ZNG1B: variants seen among roughly 807,000 people sequenced by gnomAD.
The protein encoded by ZNG1B is Zn regulated GTPase metalloprotein activator 1B, also known as zinc-regulated GTPase metalloprotein activator 1B.
chr2:113,488,865 A>G, the ZNG1B span, among the ~76,000 whole-genome samples: 1 of 152,082 alleles, frequency 6.6e-6, no homozygotes, highest in African/African-American at 2.4e-5. Flanking sequence ...GAAATCTGGA[A>G]TTATGTTAAA....
the ZNG1B span, chr2:113,457,090 A>G: frequency 2.2e-6 from 1 of 454,752 alleles, no homozygotes. Flanking sequence ...ACTTAAAATG[A>G]CAGCTCTCTA....
At chr2:113,460,844 T>C in the ZNG1B span, 8 of 1,464,008 alleles carry the variant, frequency 5.5e-6, no homozygotes, top group East Asian at 1.4e-4. Flanking sequence ...TTTCTTTTTT[T>C]CCCTTAGTTG....
At chr2:113,462,732 G>A in the ZNG1B span, 5 of 528,944 alleles carry the variant, frequency 9.5e-6, no homozygotes, top group East Asian at 9.3e-5. Flanking sequence ...CAGGGTCTTC[G>A]CACTCCATCT....
the ZNG1B span, chr2:113,457,294 C>T: frequency 8.2e-6 from 3 of 363,964 alleles, no homozygotes; most frequent in Admixed American, 7.5e-5. Context: ...TTGGAAAAGG[C>T]CAGAACAATA....
chr2:113,439,367 A>G, the ZNG1B span, among the ~76,000 whole-genome samples: 34 of 151,108 alleles, frequency 2.3e-4, no homozygotes, highest in Admixed American at 2.2e-3. Context: ...TGTAATTTCT[A>G]TTTTGATGTC....
the ZNG1B span, among the ~76,000 whole-genome samples, chr2:113,488,123 A>T: frequency 6.6e-6 from 1 of 152,044 alleles, no homozygotes; most frequent in Non-Finnish European, 1.5e-5. Context: ...TCACCCTCCT[A>T]CCGCCTCCAC....
At chr2:113,488,224 A>G in the ZNG1B span, among the ~76,000 whole-genome samples, 1 of 152,198 alleles carries the variant, frequency 6.6e-6, no homozygotes, top group Non-Finnish European at 1.5e-5. Context: ...ACCAGCCTGG[A>G]GCCTGGTAGA....
the ZNG1B span, chr2:113,469,341 A>C: frequency 2.0e-5 from 3 of 148,786 alleles, no homozygotes; most frequent in African/African-American, 7.4e-5. Context: ...CGGTTTCGCC[A>C]CATTGGCCAG....
chr2:113,481,995 A>G, the ZNG1B span: 1 of 939,378 alleles, frequency 1.1e-6, no homozygotes, highest in East Asian at 2.6e-5. Context: ...AGAAATTTTA[A>G]AAAAACTTAA....
At chr2:113,440,150 C>T in the ZNG1B span, among the ~76,000 whole-genome samples, 7 of 152,072 alleles carry the variant, frequency 4.6e-5, no homozygotes, top group East Asian at 1.4e-3. Flanking sequence ...TCCCAAAGTG[C>T]TGGGATTACA....
At chr2:113,490,571 A>G in the ZNG1B span, among the ~76,000 whole-genome samples, 1 of 152,248 alleles carries the variant, frequency 6.6e-6, no homozygotes, top group Non-Finnish European at 1.5e-5. Context: ...GATAAATAAA[A>G]TTGATAGACT....
At chr2:113,479,036 G>A in the ZNG1B span, among the ~76,000 whole-genome samples, 41,389 of 150,990 alleles carry the variant, frequency 0.27, 6,276 homozygotes, top group East Asian at 0.53. Flanking sequence ...AAAATTATAA[G>A]GGTATTTTCG....
the ZNG1B span, chr2:113,460,620 A>G: frequency 1.3e-6 from 2 of 1,528,124 alleles, no homozygotes; most frequent in Non-Finnish European, 1.8e-6. Flanking sequence ...TTGTGTTGAC[A>G]TTAGATTTTT....
At chr2:113,473,575 G>A in the ZNG1B span, among the ~76,000 whole-genome samples, 11 of 151,900 alleles carry the variant, frequency 7.2e-5, no homozygotes, top group African/African-American at 2.7e-4. Flanking sequence ...CATTTTCAAA[G>A]GGAATGCTTC....
the ZNG1B span, among the ~76,000 whole-genome samples, chr2:113,461,665 C>T: frequency 6.6e-6 from 1 of 151,526 alleles, no homozygotes; most frequent in Non-Finnish European, 1.5e-5. Flanking sequence ...ACTTTGTTAT[C>T]TAGCATTCAG....
the ZNG1B span, chr2:113,494,790 A>C: frequency 1.6e-6 from 1 of 616,820 alleles, no homozygotes; most frequent in Non-Finnish European, 2.0e-6. Flanking sequence ...TTTAATCAAT[A>C]GGATATGATA....
At chr2:113,472,868 A>G in the ZNG1B span, among the ~76,000 whole-genome samples, 2 of 151,836 alleles carry the variant, frequency 1.3e-5, no homozygotes, top group South Asian at 2.1e-4. Flanking sequence ...TACCAGTACC[A>G]TGCTGTTTTG....
the ZNG1B span, among the ~76,000 whole-genome samples, chr2:113,452,902 G>C: frequency 6.6e-6 from 1 of 151,214 alleles, no homozygotes; most frequent in African/African-American, 2.4e-5. Context: ...GTTAGAATTG[G>C]TCTTTTTTAA....
the ZNG1B span, among the ~76,000 whole-genome samples, chr2:113,488,181 C>T: frequency 4.6e-5 from 7 of 152,158 alleles, no homozygotes; most frequent in Non-Finnish European, 1.0e-4. Flanking sequence ...AGATGGTTCA[C>T]ATCTCCCGAC....
Sources: gnomAD v4.1 joint callset for allele counts (sites outside exome capture counted in the v4.1 genomes callset) on GRCh38, gnomAD v4.1.1 for gene constraint, MANE v1.5 for transcripts, NCBI Gene and HGNC (gene_info 2026-07-23, HGNC 2026-07-21) for gene names.